SLC9A1: variants seen among roughly 807,000 people sequenced by gnomAD.
SLC9A1 encodes solute carrier family 9 member A1.
Under a neutral mutation model 67.9 loss-of-function variants are expected in SLC9A1, and 22 were observed. The ratio of observed to expected loss-of-function variants is 0.32; its 90% confidence interval spans 0.23 to 0.46. SLC9A1 has a LOEUF of 0.46. Ranked by LOEUF, SLC9A1 falls within the 20% of genes least tolerant of loss-of-function variation. The pLI, the probability that SLC9A1 is intolerant of heterozygous loss-of-function variation, is 1.00. For synonymous variants in SLC9A1, 421 were observed against 471.8 expected (o/e 0.89, Z 1.40); for missense variants, 686 against 1,094.8 (o/e 0.63, Z 5.27).
At chr1:27,145,532 A>G (rs1047730884) in intron 1 of SLC9A1, among the ~76,000 whole-genome samples, 1 of 152,150 alleles carries the variant, frequency 6.6e-6, no homozygotes, top group East Asian at 1.9e-4. Context: ...TGGTTTAGTG[A>G]ACTTGTGGGC....
Position 27,134,604 on chromosome 1 carries a change from C to CG in SLC9A1, c.352+19378dup, listed in dbSNP as rs532328866. Among the ~76,000 whole-genome samples the CG allele has an allele frequency of 1.1e-3, 166 of 152,266 alleles. 1 individual carries two copies. Among genetic ancestry groups the CG allele is most frequent in the African/African-American group, 3.8e-3 (159 of 41,542 alleles). ...AGGAAATCTGCCCGGCCAGGGTGAA[C>CG]GGCCGCAAGTGACTGGTTTCAGGGT... On this transcript the variant is annotated intron_variant, in intron 1 of 11. Coordinates refer to ENST00000263980, the MANE Select transcript of SLC9A1 (RefSeq NM_003047.5).
chr1:27,105,295 C>T (rs976572717), intron 5 of SLC9A1, among the ~76,000 whole-genome samples: 1 of 152,116 alleles, frequency 6.6e-6, no homozygotes, highest in Non-Finnish European at 1.5e-5. Flanking sequence ...GTACCCACTT[C>T]TCTCTCTTTT....
Position 27,154,188 on chromosome 1 carries a change from T to G in SLC9A1, c.147A>C (p.Ser49=). 6.2e-7 allele frequency: 1 copy of G among 1,614,190 alleles called. No individual in the cohort carries two copies. The highest frequency in any genetic ancestry group is 8.5e-7 in the Non-Finnish European group (1 of 1,180,016). The change falls in exon 1 of 12, where the codon TCA becomes TCC. Residue 49 remains serine, a synonymous_variant. Transcript: ENST00000263980. ...LSPTASTIRS[S]EPPRERSIGD... ...CAATCGAGCGTTCTCGTGGTGGCTC[T>G]GAGCTTCGAATGGTGCTGGCAGTTG...
At chr1:27,140,376 C>T (rs1216861469) in intron 1 of SLC9A1, among the ~76,000 whole-genome samples, 2 of 152,180 alleles carry the variant, frequency 1.3e-5, no homozygotes, top group African/African-American at 4.8e-5. Context: ...TCAGACAATT[C>T]AGCTAATGGT....
In SLC9A1 at chr1:27,101,659, A is replaced by G. The variant is rs1269576087; in HGVS notation, c.2037+66T>C. ...GTTCCTAGAATGGGTACATTTCCTTAGAGGCTGTGGCGGAGCTTGGGCGAG... is the reference window on the plus strand; with the variant it reads ...GTTCCTAGAATGGGTACATTTCCTTGGAGGCTGTGGCGGAGCTTGGGCGAG... On this transcript the variant is annotated intron_variant, in intron 10 of 11. Coordinates refer to ENST00000263980, the MANE Select transcript of SLC9A1 (RefSeq NM_003047.5). The surrounding 1 kb of genome is among the most constrained non-coding windows in gnomAD (Gnocchi z 4.9). 5 of 1,149,352 alleles carry G rather than the reference A, an allele frequency of 4.4e-6. No individual in the cohort carries two copies. The highest frequency in any genetic ancestry group is 1.5e-5 in the African/African-American group (1 of 65,592). The allele number at this position is 1,149,352 out of a possible 1,614,324, so 71.2% of individuals were successfully genotyped here.
chr1:27,131,919 T>C (rs2083386992), intron 1 of SLC9A1, among the ~76,000 whole-genome samples: 1 of 80,240 alleles, frequency 1.2e-5, no homozygotes, highest in African/African-American at 5.9e-5. Context: ...AGAATCCGTC[T>C]CAAAAAGAAG....
chr1:27,149,553 G>C (rs554719665), intron 1 of SLC9A1, among the ~76,000 whole-genome samples: 5 of 152,228 alleles, frequency 3.3e-5, no homozygotes, highest in Non-Finnish European at 7.3e-5. Flanking sequence ...TAAGGGAAAA[G>C]GGTTTGGGAG....
At chr1:27,135,126 T>G (rs538649610) in intron 1 of SLC9A1, among the ~76,000 whole-genome samples, 12 of 151,764 alleles carry the variant, frequency 7.9e-5, no homozygotes, top group African/African-American at 2.9e-4. Context: ...CATGGCTCAC[T>G]GCAGCCTCGA....
chr1:27,116,116 T>G (rs920517107), intron 1 of SLC9A1, among the ~76,000 whole-genome samples: 1 of 152,062 alleles, frequency 6.6e-6, no homozygotes, highest in African/African-American at 2.4e-5. Context: ...TCCCAGCACT[T>G]TGGGAGGCCG....
At chr1:27,126,867 T>G (rs2083347979) in intron 1 of SLC9A1, among the ~76,000 whole-genome samples, 1 of 152,202 alleles carries the variant, frequency 6.6e-6, no homozygotes, top group Non-Finnish European at 1.5e-5. Flanking sequence ...GACACTAAGC[T>G]CCAGCTGAAT....
At chr1:27,122,388 G>C (rs2083310028) in intron 1 of SLC9A1, among the ~76,000 whole-genome samples, 1 of 152,228 alleles carries the variant, frequency 6.6e-6, no homozygotes. Context: ...TGACTAAAGG[G>C]GGAAGAGTGT....
rs142068796 is a variant in SLC9A1 at position 27,109,649 on chromosome 1, G to A, written c.942C>T (p.Val314=). Residue 314 remains valine (V), a synonymous_variant, in exon 3 of 12, where the codon GTC becomes GTT. Transcript: ENST00000263980. The surrounding 1 kb of genome is among the most constrained non-coding windows in gnomAD (Gnocchi z 5.5). ...GGVLVGVVYG[V]IAAFTSRFTS... ...TAAATCGGGAGGTGAAGGCTGCGATGACCCCGTAGACCACGCCCACAAGCA... is the reference window on the plus strand; with the variant it reads ...TAAATCGGGAGGTGAAGGCTGCGATAACCCCGTAGACCACGCCCACAAGCA... The A allele has an allele frequency of 2.2e-5, 36 of 1,613,726 alleles. No homozygotes were observed. The African/African-American group carries it at 4.7e-4, about 21-fold the overall frequency.
chr1:27,125,171 C>T (rs1449209215), intron 1 of SLC9A1, among the ~76,000 whole-genome samples: 1 of 151,182 alleles, frequency 6.6e-6, no homozygotes. Context: ...AGCACAATCA[C>T]TTGCCTGGAC....
rs2083215825 is a variant in SLC9A1, at chr1:27,109,823, C to T, written c.814-46G>A. 1 of 1,606,244 alleles carries T rather than the reference C, an allele frequency of 6.2e-7. No homozygotes were observed. The highest frequency in any genetic ancestry group is 1.1e-5 in the South Asian group (1 of 90,422). ...GGTGGGTGGGAGGAGAGGGCCCTGGCCCCACGGTTCCCTGGGGTCCACCCA... is the reference window on the plus strand; with the variant it reads ...GGTGGGTGGGAGGAGAGGGCCCTGGTCCCACGGTTCCCTGGGGTCCACCCA... On this transcript the variant is annotated intron_variant, in intron 2 of 11. Coordinates refer to ENST00000263980, the MANE Select transcript of SLC9A1 (RefSeq NM_003047.5). The surrounding 1 kb of genome is among the most constrained non-coding windows in gnomAD (Gnocchi z 5.5).
chr1:27,101,143 C>T lies in SLC9A1; in HGVS notation c.2110+60G>A. ...GCTGAGGACTGTTCCTGTGGAGCCC[C>T]ATCCTCAGGAGGTGGCAGCTCAGAG... On this transcript the variant is annotated intron_variant, in intron 11 of 11. Transcript: ENST00000263980. This position sits in a 1 kb window ranked among gnomAD's most constrained non-coding sequence, Gnocchi z 4.9. 1 of 1,304,610 alleles carries T rather than the reference C, an allele frequency of 7.7e-7. No homozygotes were observed. Among genetic ancestry groups the T allele is most frequent in the Non-Finnish European group, 1.1e-6 (1 of 914,580 alleles). 80.8% of individuals were successfully genotyped at this position (1,304,610 alleles called of 1,614,324 possible).
At chr1:27,147,651 A>AAAAAC (rs752617359) in intron 1 of SLC9A1, among the ~76,000 whole-genome samples, 6 of 152,158 alleles carry the variant, frequency 3.9e-5, no homozygotes, top group Non-Finnish European at 7.4e-5. Context: ...CCATCTCTAA[A>AAAAAC]AAAACAAAAC....
chr1:27,136,524 T>C (rs2083421374), intron 1 of SLC9A1, among the ~76,000 whole-genome samples: 1 of 136,664 alleles, frequency 7.3e-6, no homozygotes, highest in Non-Finnish European at 1.7e-5. Context: ...CAACCGAGGA[T>C]AAGACCAGGA....
intron 1 of SLC9A1, among the ~76,000 whole-genome samples, chr1:27,129,228 A>AG (rs765569613): frequency 6.6e-6 from 1 of 152,104 alleles, no homozygotes; most frequent in Non-Finnish European, 1.5e-5. Context: ...CTCTATCTCA[A>AG]GGGGGTCCCC....
rs1263905632 is a variant in SLC9A1, at chr1:27,141,439, T to A, written c.352+12544A>T. Among the ~76,000 whole-genome samples the A allele has an allele frequency of 2.0e-5, 3 of 152,312 alleles. No individual in the cohort carries two copies. The East Asian group carries it at 5.8e-4, about 29-fold the overall frequency. On this transcript the variant is annotated intron_variant, in intron 1 of 11. Coordinates refer to ENST00000263980, the MANE Select transcript of SLC9A1 (RefSeq NM_003047.5). ...TCTGGCTGTGCCCAGTGAGATTTCA[T>A]TCAAGTATCTCATCTAAATCCTACA...
Sources: gnomAD v4.1 joint callset for allele counts (sites outside exome capture counted in the v4.1 genomes callset) on GRCh38, gnomAD v4.1.1 for gene constraint, Gnocchi (gnomAD v3.1) non-coding constraint, MANE v1.5 for transcripts, NCBI Gene and HGNC (gene_info 2026-07-23, HGNC 2026-07-21) for gene names.